The following PTPRG variants were observed in gnomAD, a reference collection of about 807,000 sequenced individuals.
The protein encoded by PTPRG is receptor-type tyrosine-protein phosphatase gamma.
PTPRG carries 102 observed loss-of-function variants against 165.3 expected under a neutral mutation model. That is an observed-to-expected ratio of 0.62 (90% CI 0.53 to 0.73). The LOEUF (loss-of-function observed/expected upper bound fraction) is 0.73. PTPRG is among the 30% of genes least tolerant of loss of function. The pLI, the probability that PTPRG is intolerant of heterozygous loss-of-function variation, is 0.00. For synonymous variants in PTPRG, 675 were observed against 669.5 expected (o/e 1.01, Z -0.13); for missense variants, 1,866 against 1,861.4 (o/e 1.00, Z -0.05).
chr3:61,732,753 T>TC (rs1346808183), intron 1 of PTPRG, among the ~76,000 whole-genome samples: 8 of 142,352 alleles, frequency 5.6e-5, no homozygotes, highest in Non-Finnish European at 1.1e-4. Context: ...AATAAATAAA[T>TC]AAATAAATCT....
chr3:61,641,191 C>T (rs536569709), intron 1 of PTPRG, among the ~76,000 whole-genome samples: 5 of 152,236 alleles, frequency 3.3e-5, no homozygotes, highest in South Asian at 2.1e-4. Flanking sequence ...CCCCCTCCAC[C>T]GTTCCTTCCT....
rs1420023233 is a variant in PTPRG, at chr3:62,294,287, A to G, written c.*980A>G. ...CTCCTATAGCAATCTAATAAAAACTACCTACATAGTTACTGTTTTCTTTCC... is the reference window on the plus strand; with the variant it reads ...CTCCTATAGCAATCTAATAAAAACTGCCTACATAGTTACTGTTTTCTTTCC... On this transcript the variant is annotated 3_prime_UTR_variant, in exon 30 of 30. Coordinates refer to ENST00000474889, the MANE Select transcript of PTPRG (RefSeq NM_002841.4). 6 of 152,110 alleles carry G rather than the reference A, an allele frequency of 3.9e-5. No homozygotes were observed. The highest frequency in any genetic ancestry group is 7.2e-5 in the African/African-American group (3 of 41,432). The allele number at this position is 152,110 out of a possible 1,614,324, so 9.4% of individuals were successfully genotyped here.
chr3:61,983,794 A>G (rs750857581), intron 2 of PTPRG, among the ~76,000 whole-genome samples: 2 of 152,108 alleles, frequency 1.3e-5, no homozygotes, highest in Non-Finnish European at 2.9e-5. Flanking sequence ...ATTGTAGAAA[A>G]TTCTTGTTGT....
chr3:62,131,561 A>G lies in PTPRG; in HGVS notation c.616-1041A>G, dbSNP rs376263890. ...GTGCTACACAGTGAAAGGTTCATCAATATCTCAACTTCATTATGTGAGAAG... is the reference window on the plus strand; with the variant it reads ...GTGCTACACAGTGAAAGGTTCATCAGTATCTCAACTTCATTATGTGAGAAG... On this transcript the variant is annotated intron_variant, in intron 5 of 29. Coordinates refer to ENST00000474889, the MANE Select transcript of PTPRG (RefSeq NM_002841.4). Among the ~76,000 whole-genome samples the G allele has an allele frequency of 1.1e-4, 16 of 152,380 alleles. No individual in the cohort carries two copies. The East Asian group carries it at 1.2e-3, about 11-fold the overall frequency.
chr3:61,981,306 G>A (rs1023807258), intron 2 of PTPRG, among the ~76,000 whole-genome samples: 1 of 152,210 alleles, frequency 6.6e-6, no homozygotes, highest in Non-Finnish European at 1.5e-5. Flanking sequence ...GATGACATTT[G>A]GATGGGGACA....
At position 61,992,518 on chromosome 3, in the gene PTPRG, C is replaced by T. The variant is rs969505604; in HGVS notation, c.370+2714C>T. 4.6e-5 allele frequency among the ~76,000 whole-genome samples: 7 copies of T among 152,210 alleles called. 1 individual carries two copies. Among genetic ancestry groups the T allele is most frequent in the Admixed American group, 4.6e-4 (7 of 15,288 alleles). ...GGGATTACAGACAGCCACCTCCATGCCCGGCTAATTTTTTTTTTGAGACGG... is the reference window on the plus strand; with the variant it reads ...GGGATTACAGACAGCCACCTCCATGTCCGGCTAATTTTTTTTTTGAGACGG... On this transcript the variant is annotated intron_variant, in intron 3 of 29. Coordinates refer to ENST00000474889, the MANE Select transcript of PTPRG (RefSeq NM_002841.4).
intron 4 of PTPRG, among the ~76,000 whole-genome samples, chr3:62,074,315 ATCTTTTTT>A (rs1701307337): frequency 7.0e-6 from 1 of 141,926 alleles, no homozygotes; most frequent in African/African-American, 2.6e-5. Context: ...GATTTTCCAG[ATCTTTTTT>A]TCTTTTTTTC....
At position 62,214,918 on chromosome 3, in the gene PTPRG, C is replaced by G. The variant is rs1239068683; in HGVS notation, c.2156-3933C>G. ...AGTACAAACTGGCGGCTTCGGGAAG[C>G]CTCACAGAGAAGGCAGCATTTGAAC... On this transcript the variant is annotated intron_variant, in intron 12 of 29. Transcript: ENST00000474889. The surrounding 1 kb of genome is among the most constrained non-coding windows in gnomAD (Gnocchi z 5.2). Among the ~76,000 whole-genome samples the G allele has an allele frequency of 6.6e-6, 1 of 152,198 alleles. No homozygotes were observed. Among genetic ancestry groups the G allele is most frequent in the Admixed American group, 6.5e-5 (1 of 15,288 alleles).
rs147959827 is a variant in PTPRG, at chr3:62,027,179, C to G, written c.519+23682C>G. 8.2e-3 allele frequency among the ~76,000 whole-genome samples: 1,247 copies of G among 152,190 alleles called. 20 individuals carry two copies. The highest frequency in any genetic ancestry group is 0.029 in the African/African-American group (1,185 of 41,500). ...TGGGGATGACGCTTGTTACATTAAT[C>G]TAAAATGGTTTTTCTGCAAATGATT... On this transcript the variant is annotated intron_variant, in intron 4 of 29. Transcript: ENST00000474889.
chr3:61,902,326 T>TA (rs951704299), intron 2 of PTPRG, among the ~76,000 whole-genome samples: 1 of 152,206 alleles, frequency 6.6e-6, no homozygotes, highest in Non-Finnish European at 1.5e-5. Flanking sequence ...TGGTTCTTAA[T>TA]ACCTCAGGGC....
rs552100802 is a variant in PTPRG, at chr3:62,136,275, C to G, written c.682+3607C>G. On this transcript the variant is annotated intron_variant, in intron 6 of 29. Transcript: ENST00000474889. ...TATGCATATGCTTGGTAGAGATGTA[C>G]AATTAAGTATGTAATGACATTAAAG... Among the ~76,000 whole-genome samples, 9 of 152,234 alleles carry G rather than the reference C, an allele frequency of 5.9e-5. No homozygotes were observed. In the East Asian group the frequency reaches 1.7e-3, roughly 29 times the overall value.
intron 2 of PTPRG, among the ~76,000 whole-genome samples, chr3:61,976,212 C>T (rs2040501667): frequency 6.6e-6 from 1 of 152,188 alleles, no homozygotes; most frequent in South Asian, 2.1e-4. Context: ...AAACCCTTCC[C>T]TGGGAATTCT....
intron 7 of PTPRG, among the ~76,000 whole-genome samples, chr3:62,163,859 AG>A (rs1200486718): frequency 6.6e-6 from 1 of 152,248 alleles, no homozygotes; most frequent in African/African-American, 2.4e-5. Flanking sequence ...AATTTGACCA[AG>A]GTCACACATT....
intron 14 of PTPRG, among the ~76,000 whole-genome samples, chr3:62,235,148 G>A (rs745502111): frequency 3.9e-5 from 6 of 152,132 alleles, no homozygotes; most frequent in African/African-American, 7.2e-5. Context: ...TAAATATAAT[G>A]TGAATTTCAT....
intron 2 of PTPRG, among the ~76,000 whole-genome samples, chr3:61,869,055 G>A (rs889640055): frequency 1.3e-5 from 2 of 152,012 alleles, no homozygotes; most frequent in South Asian, 4.1e-4. Flanking sequence ...TTCACTTGCC[G>A]TTCCCCATGG....
chr3:61,911,349 G>A (rs2038799360), intron 2 of PTPRG, among the ~76,000 whole-genome samples: 1 of 152,154 alleles, frequency 6.6e-6, no homozygotes, highest in Non-Finnish European at 1.5e-5. Context: ...TTTGTTGAGA[G>A]TGGGATAAAA....
chr3:62,184,159 G>A (rs1047559847), intron 8 of PTPRG, among the ~76,000 whole-genome samples: 1 of 152,208 alleles, frequency 6.6e-6, no homozygotes. Flanking sequence ...TATGCGTTGT[G>A]TGCGGGGGAT....
chr3:61,950,643 C>A (rs2039877725), intron 2 of PTPRG, among the ~76,000 whole-genome samples: 2 of 152,076 alleles, frequency 1.3e-5, no homozygotes, highest in South Asian at 4.1e-4. Flanking sequence ...CATTTACTTT[C>A]TTGCACCTCT....
At chr3:62,288,501 C>T (rs1420653664) in intron 28 of PTPRG, among the ~76,000 whole-genome samples, 1 of 151,884 alleles carries the variant, frequency 6.6e-6, no homozygotes, top group Non-Finnish European at 1.5e-5. Flanking sequence ...GGCGAAACCC[C>T]GTCTCTACTA....
Sources: allele counts gnomAD v4.1 joint callset (sites outside exome capture counted in the v4.1 genomes callset), GRCh38; gene constraint gnomAD v4.1.1; non-coding constraint Gnocchi (gnomAD v3.1); transcripts MANE v1.5; gene names NCBI Gene and HGNC (gene_info 2026-07-23, HGNC 2026-07-21).